GNB5: variants seen among roughly 807,000 people sequenced by gnomAD.
GNB5 encodes the protein guanine nucleotide-binding protein subunit beta-5.
A neutral mutation model predicts 55.3 loss-of-function variants in GNB5; 37 were observed. The observed-to-expected ratio is 0.67, with a 90% confidence interval of 0.51 to 0.88. The LOEUF is 0.88. Among genes scored for constraint, GNB5 ranks in the 40% least tolerant of loss-of-function variants. GNB5 has a pLI of 0.00. For missense variants in GNB5, 476 were observed against 515.3 expected, an observed-to-expected ratio of 0.92 and a Z score of 0.74; for synonymous variants, 219 against 198.5, an observed-to-expected ratio of 1.10 and a Z score of -0.87.
chr15:52,144,883 G>T (rs145553639), intron 6 of GNB5, among the ~76,000 whole-genome samples: 1 of 152,294 alleles, frequency 6.6e-6, no homozygotes, highest in African/African-American at 2.4e-5. Context: ...CCAGGGAGAC[G>T]ATGACTCGCA....
At chr15:52,134,541 A>AT (rs924435133) in intron 8 of GNB5, among the ~76,000 whole-genome samples, 8 of 152,174 alleles carry the variant, frequency 5.3e-5, no homozygotes, top group African/African-American at 1.9e-4. Context: ...AATAGCAGTA[A>AT]TTTTTTAAAA....
intron 10 of GNB5, among the ~76,000 whole-genome samples, chr15:52,127,253 G>A (rs368951539): frequency 2.0e-5 from 3 of 152,180 alleles, no homozygotes; most frequent in African/African-American, 7.2e-5. Context: ...GGCATCCGAT[G>A]ACTTAAAACT....
intron 1 of GNB5, among the ~76,000 whole-genome samples, chr15:52,189,905 G>A (rs898550909): frequency 1.3e-5 from 2 of 152,184 alleles, no homozygotes; most frequent in African/African-American, 4.8e-5. Context: ...TTGCGAGGTG[G>A]AGGGAAGAGA....
In GNB5 at chr15:52,115,515, G is replaced by A. The variant is rs1042416940; in HGVS notation, c.*7242C>T. The A allele has an allele frequency of 6.6e-6, 1 of 152,192 alleles. No homozygotes were observed. Among genetic ancestry groups the A allele is most frequent in the Non-Finnish European group, 1.5e-5 (1 of 68,048 alleles). 9.4% of individuals were successfully genotyped at this position (152,192 alleles called of 1,614,324 possible). The stretch of plus-strand genomic sequence containing the variant: ...CACAGTACCTGGCACACAGTAAAAG[G>A]TTGTCACTCCACAGAAACTTTTATT... On this transcript the variant is annotated 3_prime_UTR_variant, in exon 13 of 13. Transcript: ENST00000261837.
In GNB5 at chr15:52,164,897, G is replaced by C. The variant is rs182588472; in HGVS notation, c.239-10821C>G. On this transcript the variant is annotated intron_variant, in intron 3 of 12. Transcript: ENST00000261837. ...GACAGAAGTAGGCTTCAGAAGGTGG[G>C]TAATAATGAACTTCACTGAGCTAAA... 2.6e-5 allele frequency among the ~76,000 whole-genome samples: 4 copies of C among 152,260 alleles called. No individual in the cohort carries two copies. The East Asian group carries it at 7.7e-4, about 29-fold the overall frequency.
At position 52,120,151 on chromosome 15, in the gene GNB5, A is replaced by G. The variant is rs546251324; in HGVS notation, c.*2606T>C. On this transcript the variant is annotated 3_prime_UTR_variant, in exon 13 of 13. Coordinates refer to ENST00000261837, the MANE Select transcript of GNB5 (RefSeq NM_016194.4). The stretch of plus-strand genomic sequence containing the variant: ...CCAGGAGGGGGCTGCCCAAGGCTCT[A>G]CACCCCTGGGGGCCCATCTGTTTGG... 1 of 152,326 alleles carries G rather than the reference A, an allele frequency of 6.6e-6. No homozygotes were observed. Among genetic ancestry groups the G allele is most frequent in the African/African-American group, 2.4e-5 (1 of 41,550 alleles). The allele number at this position is 152,326 out of a possible 1,614,324, so 9.4% of individuals were successfully genotyped here. A position where few individuals can be genotyped will look rare whatever the true frequency, so the allele number is the denominator to read the frequency against.
In GNB5 at chr15:52,118,247, G is replaced by C. The variant is rs1408687732; in HGVS notation, c.*4510C>G. The C allele has an allele frequency of 2.0e-5, 3 of 152,218 alleles. No individual in the cohort carries two copies. Among genetic ancestry groups the C allele is most frequent in the African/African-American group, 4.8e-5 (2 of 41,454 alleles). 9.4% of individuals were successfully genotyped at this position (152,218 alleles called of 1,614,324 possible). A position where few individuals can be genotyped will look rare whatever the true frequency, so the allele number is the denominator to read the frequency against. On this transcript the variant is annotated 3_prime_UTR_variant, in exon 13 of 13. Coordinates refer to ENST00000261837, the MANE Select transcript of GNB5 (RefSeq NM_016194.4). Reference sequence around the variant, plus strand: ...TCTCACACAGAGGGGCTGGAAAAGGGCTCATTAGCCCAGATCAGCTGTTCT... The same window carrying C: ...TCTCACACAGAGGGGCTGGAAAAGGCCTCATTAGCCCAGATCAGCTGTTCT...
intron 3 of GNB5, among the ~76,000 whole-genome samples, chr15:52,171,034 C>T (rs1236026189): frequency 7.1e-6 from 1 of 140,342 alleles, no homozygotes; most frequent in African/African-American, 2.7e-5. Flanking sequence ...GTGGAGGTTG[C>T]AGTGAGCCAT....
intron 11 of GNB5, chr15:52,125,563 G>A (rs1424699219): frequency 6.2e-6 from 1 of 160,946 alleles, no homozygotes; most frequent in East Asian, 1.8e-4. Flanking sequence ...TTACAGGCGT[G>A]AGCCACAGTA....
At chr15:52,161,879 T>C (rs2034342432) in intron 3 of GNB5, among the ~76,000 whole-genome samples, 1 of 152,192 alleles carries the variant, frequency 6.6e-6, no homozygotes, top group African/African-American at 2.4e-5. Context: ...CAAGCTCCCA[T>C]TTTACCTGTA....
chr15:52,162,468 C>A (rs966080749), intron 3 of GNB5, among the ~76,000 whole-genome samples: 3 of 152,070 alleles, frequency 2.0e-5, no homozygotes, highest in Non-Finnish European at 4.4e-5. Context: ...AAACAAGGAA[C>A]CAAAGCATGA....
intron 3 of GNB5, among the ~76,000 whole-genome samples, chr15:52,159,229 G>GCCTGCTGT (rs2034280308): frequency 6.6e-6 from 1 of 152,148 alleles, no homozygotes; most frequent in African/African-American, 2.4e-5. Context: ...CGTGACAGCA[G>GCCTGCTGT]CCTGCTGTCA....
chr15:52,158,018 T>C (rs74974523), intron 3 of GNB5, among the ~76,000 whole-genome samples: 1 of 143,246 alleles, frequency 7.0e-6, no homozygotes, highest in Non-Finnish European at 1.5e-5. Flanking sequence ...CAGGATTTAA[T>C]TTTTTTTTTT....
chr15:52,149,962 A>G, intron 4 of GNB5, 37 bp from the exon 5 acceptor site: 1 of 1,496,474 alleles, frequency 6.7e-7, no homozygotes. Flanking sequence ...GGGGTTGTCA[A>G]GTTCTTACAG....
chr15:52,139,935 C>T, intron 7 of GNB5: 1 of 1,286,262 alleles, frequency 7.8e-7, no homozygotes, highest in Non-Finnish European at 1.0e-6. Context: ...CTGCCTTCAT[C>T]CAGCCTAAAT....
At chr15:52,155,740 G>T (rs979347811) in intron 3 of GNB5, among the ~76,000 whole-genome samples, 2 of 152,070 alleles carry the variant, frequency 1.3e-5, no homozygotes, top group African/African-American at 4.8e-5. Flanking sequence ...CATTTGGCAG[G>T]GACACAGAGA....
chr15:52,152,080 C>A (rs1420199256), intron 4 of GNB5, among the ~76,000 whole-genome samples: 1 of 151,046 alleles, frequency 6.6e-6, no homozygotes, highest in Non-Finnish European at 1.5e-5. Flanking sequence ...TTATTTTGAT[C>A]TTAAAAAAAA....
At chr15:52,175,301 TA>T (rs1015824644) in intron 3 of GNB5, among the ~76,000 whole-genome samples, 1 of 152,162 alleles carries the variant, frequency 6.6e-6, no homozygotes, top group African/African-American at 2.4e-5. Flanking sequence ...TTTGGTACTA[TA>T]AAACTCATGT....
At position 52,119,476 on chromosome 15, in the gene GNB5, A is replaced by G. The variant is rs1167230774; in HGVS notation, c.*3281T>C. On this transcript the variant is annotated 3_prime_UTR_variant, in exon 13 of 13. Coordinates refer to ENST00000261837, the MANE Select transcript of GNB5 (RefSeq NM_016194.4). Reference sequence around the variant, plus strand: ...GAGGAGATGGGAGGGAGGGAGGGGGAAATGGGAGAGAGGGAGGAGAGAGGG... The same window carrying G: ...GAGGAGATGGGAGGGAGGGAGGGGGGAATGGGAGAGAGGGAGGAGAGAGGG... 4 of 51,412 alleles carry G rather than the reference A, an allele frequency of 7.8e-5. No individual in the cohort carries two copies. The highest frequency in any genetic ancestry group is 1.8e-4 in the African/African-American group (2 of 10,900). The allele number at this position is 51,412 out of a possible 1,614,324, so 3.2% of individuals were successfully genotyped here. A position where few individuals can be genotyped will look rare whatever the true frequency, so the allele number is the denominator to read the frequency against.
Sources: gnomAD v4.1 joint callset for allele counts (sites outside exome capture counted in the v4.1 genomes callset) on GRCh38, gnomAD v4.1.1 for gene constraint, MANE v1.5 for transcripts, NCBI Gene and HGNC (gene_info 2026-07-23, HGNC 2026-07-21) for gene names.